Variants in FANK1 observed in about 807,000 individuals in gnomAD.
FANK1 encodes the protein fibronectin type III and ankyrin repeat domains 1, also known as fibronectin type 3 and ankyrin repeat domains protein 1.
In FANK1, 44 loss-of-function variants were observed where a neutral mutation model predicts 45.3. The ratio of observed to expected loss-of-function variants is 0.97; its 90% CI spans 0.76 to 1.25. FANK1 has a LOEUF of 1.25. Among genes scored for constraint, FANK1 ranks in the 50% most tolerant of loss-of-function variants. FANK1 has a pLI of 0.00. For synonymous variants in FANK1, 149 were observed against 152.5 expected, an observed-to-expected ratio of 0.98 and a Z score of 0.17; for missense variants, 391 against 424.4, an observed-to-expected ratio of 0.92 and a Z score of 0.69.
intron 1 of FANK1, among the ~76,000 whole-genome samples, chr10:125,935,517 T>C (rs545398287): frequency 3.3e-5 from 5 of 152,318 alleles, no homozygotes; most frequent in African/African-American, 9.6e-5. Context: ...TCAGTCTCAA[T>C]TGGGGCAAAT....
chr10:125,978,790 G>A (rs1951010146), intron 1 of FANK1, among the ~76,000 whole-genome samples: 1 of 152,194 alleles, frequency 6.6e-6, no homozygotes, highest in African/African-American at 2.4e-5. Flanking sequence ...GGAATTCCAA[G>A]CCAGTGGGTC....
At chr10:126,004,170 A>G (rs561379550) in intron 6 of FANK1, 1 of 151,356 alleles carries the variant, frequency 6.6e-6, no homozygotes, top group African/African-American at 2.4e-5. Context: ...TAAAAAAAAA[A>G]AAAAAAAAAA....
intron 1 of FANK1, chr10:125,972,127 A>G (rs1163171572): frequency 6.6e-6 from 1 of 152,202 alleles, no homozygotes; most frequent in African/African-American, 2.4e-5. Flanking sequence ...CAGCATATAG[A>G]GTTGGTGAAG....
At chr10:125,987,247 T>A (rs1354591771) in intron 2 of FANK1, among the ~76,000 whole-genome samples, 3 of 152,094 alleles carry the variant, frequency 2.0e-5, no homozygotes, top group Non-Finnish European at 4.4e-5. Context: ...TTGCAAATAA[T>A]GGGCACTAGA....
intron 3 of FANK1, chr10:125,989,276 C>T (rs1951770212): frequency 1.3e-6 from 2 of 1,549,392 alleles, no homozygotes; most frequent in Non-Finnish European, 1.7e-6. Context: ...CTATCTATGT[C>T]CAGGGCCATC....
intron 3 of FANK1, 93 bp from the exon 4 acceptor site, chr10:125,995,321 TGAA>T: frequency 1.8e-6 from 2 of 1,118,190 alleles, no homozygotes; most frequent in Non-Finnish European, 2.7e-6. Flanking sequence ...AGCGCCTTCC[TGAA>T]GATGATCCCC....
At chr10:125,994,990 A>C (rs1952215562) in intron 3 of FANK1, 1 of 964,400 alleles carries the variant, frequency 1.0e-6, no homozygotes, top group Non-Finnish European at 1.2e-6. Context: ...AGAACTGAAA[A>C]TTTTAATTTC....
At chr10:125,986,094 T>C (rs780372365) in intron 2 of FANK1, among the ~76,000 whole-genome samples, 1 of 152,162 alleles carries the variant, frequency 6.6e-6, no homozygotes, top group Non-Finnish European at 1.5e-5. Flanking sequence ...AACATGTTCC[T>C]GCGGGGATGG....
At chr10:125,900,048 A>G (rs892803072) in intron 1 of FANK1, among the ~76,000 whole-genome samples, 2 of 152,290 alleles carry the variant, frequency 1.3e-5, no homozygotes, top group South Asian at 4.1e-4. Context: ...TTAAAATCCA[A>G]TAAACATAAA....
chr10:125,918,944 A>G (rs2134126525), intron 1 of FANK1, among the ~76,000 whole-genome samples: 1 of 152,118 alleles, frequency 6.6e-6, no homozygotes, highest in South Asian at 2.1e-4. Flanking sequence ...GATGGCTGGG[A>G]CTGGTTCAGT....
chr10:125,927,598 G>T (rs1488191746), intron 1 of FANK1, among the ~76,000 whole-genome samples: 1 of 151,642 alleles, frequency 6.6e-6, no homozygotes, highest in Non-Finnish European at 1.5e-5. Context: ...CGCCCAAGCT[G>T]GAGTGCAATG....
intron 1 of FANK1, among the ~76,000 whole-genome samples, chr10:125,903,735 T>C (rs1369787639): frequency 3.9e-5 from 6 of 152,190 alleles, no homozygotes; most frequent in Non-Finnish European, 7.3e-5. Context: ...ACTTTGGTTC[T>C]CTACTGAAGT....
At chr10:125,909,953 A>G (rs530756143) in intron 1 of FANK1, among the ~76,000 whole-genome samples, 22 of 152,132 alleles carry the variant, frequency 1.4e-4, no homozygotes, top group Non-Finnish European at 2.2e-4. Context: ...TTGAAGTATA[A>G]TATACCTGAG....
At chr10:125,913,964 AAC>A (rs1564864667) in intron 1 of FANK1, among the ~76,000 whole-genome samples, 1 of 152,150 alleles carries the variant, frequency 6.6e-6, no homozygotes. Flanking sequence ...GTCGAGTAAA[AAC>A]ACAAAGAAGA....
chr10:125,961,658 G>GA (rs1238292050), intron 1 of FANK1, among the ~76,000 whole-genome samples: 1 of 152,176 alleles, frequency 6.6e-6, no homozygotes, highest in Admixed American at 6.5e-5. Context: ...AACATAGGGG[G>GA]AAGCCCTTCA....
At chr10:125,933,938 G>C (rs985640696) in intron 1 of FANK1, among the ~76,000 whole-genome samples, 5 of 152,156 alleles carry the variant, frequency 3.3e-5, no homozygotes, top group Non-Finnish European at 7.4e-5. Context: ...TATTTGCATT[G>C]TTTTGAAGGT....
At chr10:125,920,403 C>T (rs553989501) in intron 1 of FANK1, among the ~76,000 whole-genome samples, 1 of 152,272 alleles carries the variant, frequency 6.6e-6, no homozygotes, top group Non-Finnish European at 1.5e-5. Context: ...TATGGCTCAT[C>T]AGAATTCACT....
chr10:125,975,469 A>G (rs1218219970), intron 1 of FANK1, among the ~76,000 whole-genome samples: 1 of 152,206 alleles, frequency 6.6e-6, no homozygotes, highest in Non-Finnish European at 1.5e-5. Context: ...AACAGTGTAT[A>G]AAGGTTCCCT....
chr10:125,992,085 C>A (rs1274768275), intron 3 of FANK1, among the ~76,000 whole-genome samples: 3 of 152,168 alleles, frequency 2.0e-5, no homozygotes, highest in Non-Finnish European at 4.4e-5. Context: ...CAATGGCCGG[C>A]CTTTTAAAAA....
Sources: allele counts gnomAD v4.1 joint callset (sites outside exome capture counted in the v4.1 genomes callset), GRCh38; gene constraint gnomAD v4.1.1; transcripts MANE v1.5; gene names NCBI Gene and HGNC (gene_info 2026-07-23, HGNC 2026-07-21).